SLC47A1: variants seen among roughly 807,000 people sequenced by gnomAD.
The protein encoded by SLC47A1 is solute carrier family 47 member 1.
SLC47A1 carries 58 observed loss-of-function variants against 65.8 expected under a neutral mutation model. That is an observed-to-expected ratio of 0.88 (90% CI 0.71 to 1.10). The LOEUF is 1.10. Ranked by LOEUF, SLC47A1 falls within the 50% of genes least tolerant of loss-of-function variation. The probability of loss-of-function intolerance (pLI) is 0.00; values close to 1 mark genes in which losing one functional copy is unlikely to be tolerated. For synonymous variants in SLC47A1, 285 were observed against 295.0 expected, an observed-to-expected ratio of 0.97 and a Z score of 0.35; for missense variants, 706 against 719.2, an observed-to-expected ratio of 0.98 and a Z score of 0.21.
chr17:19,577,243 G>T, intron 16 of SLC47A1, 84 bp from the exon 17 acceptor site: 1 of 1,540,546 alleles, frequency 6.5e-7, no homozygotes, highest in Admixed American at 2.1e-5. Context: ...TCCACTATTA[G>T]CACATATTCC....
Position 19,556,063 on chromosome 17 carries a change from G to T in SLC47A1, c.921+1G>T. The T allele has an allele frequency of 6.2e-7, 1 of 1,613,780 alleles. No homozygotes were observed. The highest frequency in any genetic ancestry group is 8.5e-7 in the Non-Finnish European group (1 of 1,180,024). ...TGAACTGGCCATCATTGTGTACATG[G>T]TAAGCAGGGGAGCCGATCATGGGGA... On this transcript the variant is annotated splice_donor_variant, in intron 10 of 16. Transcript: ENST00000270570. LOFTEE classifies it high-confidence loss of function.
chr17:19,555,089 G>GC (rs2152314380), intron 6 of SLC47A1, 123 bp from the exon 7 acceptor site: 1 of 816,582 alleles, frequency 1.2e-6, no homozygotes, highest in Non-Finnish European at 2.1e-6. Context: ...CCCCAGTTAA[G>GC]CCCCCCAGCT....
In SLC47A1 at chr17:19,541,400, T is replaced by C. The variant is rs959867648; in HGVS notation, c.136-993T>C. Among the ~76,000 whole-genome samples, 30 of 152,266 alleles carry C rather than the reference T, an allele frequency of 2.0e-4. 1 individual carries two copies. Among genetic ancestry groups the C allele is most frequent in the Non-Finnish European group, 4.4e-5 (3 of 68,006 alleles). On this transcript the variant is annotated intron_variant, in intron 1 of 16. Coordinates refer to ENST00000270570, the MANE Select transcript of SLC47A1 (RefSeq NM_018242.3). ...AGAGAGATACTGGACCGCCTGGGTC[T>C]AGTGGGTGGGGGGCAGGAGGTGATT... is the stretch of plus-strand genomic sequence containing the variant.
At chr17:19,534,935 T>G (rs569183552) in intron 1 of SLC47A1, 2 of 152,276 alleles carry the variant, frequency 1.3e-5, no homozygotes, top group African/African-American at 4.8e-5. Context: ...GGTATGCACT[T>G]AAGGCGTGAA....
chr17:19,539,048 G>A (rs1267986578), intron 1 of SLC47A1, among the ~76,000 whole-genome samples: 4 of 152,142 alleles, frequency 2.6e-5, no homozygotes, highest in Non-Finnish European at 4.4e-5. Context: ...GGCTGGAATT[G>A]CAGGTGCATG....
At position 19,557,519 on chromosome 17, in the gene SLC47A1, A is replaced by G. The variant is rs372042056; in HGVS notation, c.921+1457A>G. The G allele has an allele frequency of 1.8e-5, 9 of 504,614 alleles. 1 individual carries two copies. Among genetic ancestry groups the G allele is most frequent in the South Asian group, 8.5e-5 (6 of 70,584 alleles). 31.3% of individuals were successfully genotyped at this position (504,614 alleles called of 1,614,324 possible). ...GAACATCCTAGGAAAAAATATCTTCATATACTTGTCTGATTATTTCTTTAA... is the reference window on the plus strand; with the variant it reads ...GAACATCCTAGGAAAAAATATCTTCGTATACTTGTCTGATTATTTCTTTAA... On this transcript the variant is annotated intron_variant, in intron 10 of 16. Transcript: ENST00000270570.
intron 16 of SLC47A1, among the ~76,000 whole-genome samples, 180 bp from the exon 17 acceptor site, chr17:19,577,147 C>T (rs952503528): frequency 6.6e-6 from 1 of 151,974 alleles, no homozygotes; most frequent in Admixed American, 6.6e-5. Context: ...CATCGGTGTT[C>T]GTGAAGGAGT....
chr17:19,546,569 G>A, intron 3 of SLC47A1, 66 bp downstream of exon 3: 1 of 1,482,042 alleles, frequency 6.7e-7, no homozygotes, highest in South Asian at 1.2e-5. Flanking sequence ...AGATGGAAGA[G>A]CTCCACTGGC....
chr17:19,558,002 T>G (rs1370812386), intron 10 of SLC47A1: 1 of 216,060 alleles, frequency 4.6e-6, no homozygotes, highest in African/African-American at 2.3e-5. Flanking sequence ...GAATTTACAC[T>G]TGTATTTCTT....
In SLC47A1 at chr17:19,577,361, C is replaced by T. The variant is rs202161502; in HGVS notation, c.1521C>T (p.Asn507=). The part of the protein sequence containing the change: ...CPENLEGILT[N]DVGKTGEPQS... ...AAAACCTTGAAGGAATTTTAACGAA[C>T]GATGTTGGAAAGACAGGCGAGCCTC... Residue 507 remains asparagine, a synonymous_variant, in exon 17 of 17, where the codon AAC becomes AAT. Coordinates refer to ENST00000270570, the MANE Select transcript of SLC47A1 (RefSeq NM_018242.3). 117 of 1,613,988 alleles carry T rather than the reference C, an allele frequency of 7.2e-5. 1 individual carries two copies. The highest frequency in any genetic ancestry group is 1.3e-4 in the East Asian group (6 of 44,878).
chr17:19,559,677 G>A (rs1379806365), intron 10 of SLC47A1, among the ~76,000 whole-genome samples: 2 of 152,158 alleles, frequency 1.3e-5, no homozygotes, highest in African/African-American at 2.4e-5. Flanking sequence ...GATTACAGGC[G>A]TGCACCACCA....
chr17:19,560,403 C>T lies in SLC47A1; in HGVS notation c.1031-15C>T, dbSNP rs769644609. 4.3e-6 allele frequency: 7 copies of T among 1,614,028 alleles called. No homozygotes were observed. The highest frequency in any genetic ancestry group is 2.2e-5 in the East Asian group (1 of 44,882). The stretch of plus-strand genomic sequence containing the variant: ...TTGTTCACTGTGTTGTTTCTTCTGC[C>T]GTTTTTACCTTCAGTGCTCTTTGCT... On this transcript the variant is annotated splice_polypyrimidine_tract_variant and intron_variant, in intron 11 of 16. Transcript: ENST00000270570.
In SLC47A1 at chr17:19,542,514, C is replaced by T. The variant is rs764189066; in HGVS notation, c.237+20C>T. The stretch of plus-strand genomic sequence containing the variant: ...ATCGCGGTACGTGTGGGCTTTCTGG[C>T]AGGTTTACCAACACTGTCTGTGTTT... On this transcript the variant is annotated intron_variant, in intron 2 of 16. Transcript: ENST00000270570. The T allele has an allele frequency of 1.9e-6, 3 of 1,582,472 alleles. No individual in the cohort carries two copies. Among genetic ancestry groups the T allele is most frequent in the East Asian group, 4.5e-5 (2 of 44,406 alleles).
Position 19,577,870 on chromosome 17 carries a change from AAACT to A in SLC47A1, c.*322_*325del. ...GCTATTTTTTTAGACACAAACCCAT[AAACT>A]AACTGCTTAAGAATTCATACTGCTT... On this transcript the variant is annotated 3_prime_UTR_variant, in exon 17 of 17. Transcript: ENST00000270570. 3.2e-6 allele frequency: 4 copies of A among 1,252,536 alleles called. No homozygotes were observed. Among genetic ancestry groups the A allele is most frequent in the Non-Finnish European group, 4.1e-6 (4 of 984,640 alleles). The allele number at this position is 1,252,536 out of a possible 1,614,324, so 77.6% of individuals were successfully genotyped here.
In SLC47A1 at chr17:19,567,099, A is replaced by G; in HGVS notation, c.1180A>G (p.Thr394Ala). 1 of 1,614,192 alleles carries G rather than the reference A, an allele frequency of 6.2e-7. No individual in the cohort carries two copies. Among genetic ancestry groups the G allele is most frequent in the Non-Finnish European group, 8.5e-7 (1 of 1,180,012 alleles). ...VSHLFEALAC[T>A]SGGVLRGSGN... is the part of the protein sequence containing the mutation. The stretch of plus-strand genomic sequence containing the variant: ...ATGGAATGCTCTCTGCCTGCAGTGC[A>G]CGAGTGGTGGTGTTCTGAGGGGGAG... Residue 394 changes from threonine to alanine, a missense_variant, in exon 14 of 17, where the codon ACG becomes GCG. Transcript: ENST00000270570.
chr17:19,552,734 G>A (rs956775448), intron 6 of SLC47A1, among the ~76,000 whole-genome samples: 1 of 152,054 alleles, frequency 6.6e-6, no homozygotes, highest in Non-Finnish European at 1.5e-5. Context: ...GGGAAGGAAG[G>A]CAGGGGATCC....
At chr17:19,542,593 C>A in intron 2 of SLC47A1, 99 bp downstream of exon 2, 1 of 956,388 alleles carries the variant, frequency 1.0e-6, no homozygotes, top group South Asian at 1.7e-5. Flanking sequence ...GAAACCTACA[C>A]AGACTTATTC....
chr17:19,544,759 T>G (rs1916242968), intron 2 of SLC47A1, among the ~76,000 whole-genome samples: 1 of 152,230 alleles, frequency 6.6e-6, no homozygotes, highest in African/African-American at 2.4e-5. Context: ...GAAGTGTCCC[T>G]GATACCCGAA....
intron 10 of SLC47A1, among the ~76,000 whole-genome samples, chr17:19,558,510 C>T (rs535190530): frequency 7.0e-4 from 106 of 151,672 alleles, no homozygotes; most frequent in Admixed American, 3.8e-3. Context: ...CTGGTGACAG[C>T]GGCCTGATCT....
Sources: gnomAD v4.1 joint callset for allele counts (sites outside exome capture counted in the v4.1 genomes callset) on GRCh38, gnomAD v4.1.1 for gene constraint, MANE v1.5 for transcripts, NCBI Gene and HGNC (gene_info 2026-07-23, HGNC 2026-07-21) for gene names.